The following UNC13B variants were observed in gnomAD, a reference collection of about 807,000 sequenced individuals.
The protein encoded by UNC13B is unc-13 homolog B, also known as protein unc-13 homolog B.
In UNC13B, 144 loss-of-function variants were observed where a neutral mutation model predicts 211.0. That is an observed-to-expected ratio of 0.68 (90% CI 0.60 to 0.78). The LOEUF (loss-of-function observed/expected upper bound fraction) is 0.78. Ranked by LOEUF, UNC13B falls within the 30% of genes least tolerant of loss-of-function variation. The pLI, the probability that UNC13B is intolerant of heterozygous loss-of-function variation, is 0.00. For missense variants in UNC13B, 1,777 were observed against 2,002.0 expected (o/e 0.89, Z 2.14); for synonymous variants, 709 against 725.8 (o/e 0.98, Z 0.37).
intron 1 of UNC13B, among the ~76,000 whole-genome samples, chr9:35,169,114 G>A (rs1277156251): frequency 6.6e-6 from 1 of 152,208 alleles, no homozygotes; most frequent in Non-Finnish European, 1.5e-5. Context: ...ACTTTGGGAG[G>A]CTGAGGCAAG....
intron 9 of UNC13B, 120 bp downstream of exon 9, chr9:35,308,532 C>G: frequency 2.5e-6 from 1 of 396,616 alleles, no homozygotes. Flanking sequence ...TTTCCTAGTA[C>G]CCGAGCTTCA....
At position 35,364,862 on chromosome 9, in the gene UNC13B, T is replaced by C. The variant is rs187017912; in HGVS notation, c.9415-2085T>C. Among the ~76,000 whole-genome samples, 59 of 152,258 alleles carry C rather than the reference T, an allele frequency of 3.9e-4. 1 individual carries two copies. The highest frequency in any genetic ancestry group is 3.2e-3 in the Admixed American group (49 of 15,298). On this transcript the variant is annotated intron_variant, in intron 11 of 39. Transcript: ENST00000635942. ...TGTGTGTGCTTATACTCAGTTTGACTCCCCCAGACACTGATTACCCTCCTT... is the reference window on the plus strand; with the variant it reads ...TGTGTGTGCTTATACTCAGTTTGACCCCCCCAGACACTGATTACCCTCCTT...
At chr9:35,183,206 G>A (rs576927598) in intron 1 of UNC13B, among the ~76,000 whole-genome samples, 1 of 149,188 alleles carries the variant, frequency 6.7e-6, no homozygotes, top group South Asian at 2.2e-4. Context: ...CAGACGATGG[G>A]CGGTCGGGCA....
chr9:35,205,528 T>G (rs2131395010), intron 1 of UNC13B, among the ~76,000 whole-genome samples: 1 of 152,342 alleles, frequency 6.6e-6, no homozygotes, highest in South Asian at 2.1e-4. Flanking sequence ...CCATTAGCAA[T>G]CATTTCCATT....
At chr9:35,350,169 A>G (rs1353361132) in intron 11 of UNC13B, among the ~76,000 whole-genome samples, 1 of 152,118 alleles carries the variant, frequency 6.6e-6, no homozygotes, top group East Asian at 1.9e-4. Flanking sequence ...CACTCTCCAC[A>G]TTCTCAGTAA....
In UNC13B at chr9:35,307,698, T is replaced by C. The variant is rs1302247684; in HGVS notation, c.8294T>C (p.Ile2765Thr). Residue 2765 changes from isoleucine (I) to threonine (T), a missense_variant, in exon 9 of 40, where the codon ATC becomes ACC. Physicochemically the swap from Ile to Thr is moderately conservative, Grantham distance 89. Transcript: ENST00000635942. ...ETEQSRPRFEIPNVTTWPKLR... is the reference protein window; with the variant it reads ...ETEQSRPRFETPNVTTWPKLR... ...GAGCAGTCAAGACCACGTTTTGAGA[T>C]CCCAAATGTGACCACTTGGCCAAAG... The C allele has an allele frequency of 2.5e-6, 1 of 399,020 alleles. No homozygotes were observed. The highest frequency in any genetic ancestry group is 4.4e-6 in the Non-Finnish European group (1 of 226,074). 24.7% of individuals were successfully genotyped at this position (399,020 alleles called of 1,614,324 possible).
At chr9:35,194,087 C>T (rs1296489769) in intron 1 of UNC13B, among the ~76,000 whole-genome samples, 3 of 152,008 alleles carry the variant, frequency 2.0e-5, no homozygotes, top group Non-Finnish European at 4.4e-5. Flanking sequence ...AGACCAAGGG[C>T]AGGGAGAGAC....
intron 7 of UNC13B, among the ~76,000 whole-genome samples, chr9:35,279,694 T>G (rs1347688177): frequency 1.3e-5 from 2 of 152,230 alleles, no homozygotes; most frequent in Admixed American, 1.3e-4. Context: ...GTGCGATTGC[T>G]GGGCCAAAGC....
At position 35,399,283 on chromosome 9, in the gene UNC13B, C is replaced by T. The variant is rs377197435; in HGVS notation, c.12197C>T (p.Thr4066Met). 5.3e-5 allele frequency: 85 copies of T among 1,614,142 alleles called. No homozygotes were observed. Among genetic ancestry groups the T allele is most frequent in the Admixed American group, 2.5e-4 (15 of 60,020 alleles). The part of the protein sequence containing the change: ...MIVLPPLTDQ[T>M]GTQLIFTAAK... ...GTTCTGCCCCCACTCACTGACCAGA[C>T]GGTAAGGACACCTCCTTCCACTTCC... The change falls in exon 34 of 40, where the codon ACG (threonine) becomes ATG (methionine). Residue 4066 changes from threonine to methionine, a missense_variant and splice_region_variant. Physicochemically the swap from Thr to Met is moderately conservative, Grantham distance 81. Coordinates refer to ENST00000635942, the MANE Select transcript of UNC13B (RefSeq NM_001371189.2).
In UNC13B at chr9:35,377,677, G is replaced by A; in HGVS notation, c.10045G>A (p.Ala3349Thr). The change falls in exon 16 of 40, where the codon GCC (alanine) becomes ACC (threonine). Residue 3349 changes from alanine to threonine, a missense_variant. Transcript: ENST00000635942. ...SVLDGTSKWS[A>T]KITITVVCAQ... ...ACTGGATGGCACCTCCAAATGGTCA[G>A]CCAAGATCACCATTACTGGTGAGCA... The A allele has an allele frequency of 1.9e-6, 3 of 1,614,022 alleles. No individual in the cohort carries two copies. The highest frequency in any genetic ancestry group is 2.5e-6 in the Non-Finnish European group (3 of 1,180,000).
rs1358816387 is a variant in UNC13B, at chr9:35,301,073, T to C, written c.1669T>C (p.Ser557Pro). ...TTCAGGCACAAAGCATCTAACAAAC[T>C]CTGTGGAAAAGTTGGTTTCCTTAGT... ...VGSGTKHLTN[S>P]VEKLVSLVPE... The change falls in exon 9 of 40, where the codon TCT becomes CCT. Residue 557 changes from serine to proline, a missense_variant. Ser to Pro is a moderately conservative substitution (Grantham distance 74). Coordinates refer to ENST00000635942, the MANE Select transcript of UNC13B (RefSeq NM_001371189.2). 6 of 398,738 alleles carry C rather than the reference T, an allele frequency of 1.5e-5. No homozygotes were observed. Among genetic ancestry groups the C allele is most frequent in the African/African-American group, 6.2e-5 (3 of 48,602 alleles). 24.7% of individuals were successfully genotyped at this position (398,738 alleles called of 1,614,324 possible).
intron 11 of UNC13B, chr9:35,361,134 A>T (rs1833385978): frequency 6.6e-6 from 1 of 152,166 alleles, no homozygotes. Context: ...AGATTGTATT[A>T]TTGGGTATAC....
intron 1 of UNC13B, among the ~76,000 whole-genome samples, chr9:35,205,320 C>G (rs1024958840): frequency 1.3e-5 from 2 of 152,108 alleles, no homozygotes; most frequent in Admixed American, 1.3e-4. Context: ...TACACACACA[C>G]AAACACACAC....
rs375819769 is a variant in UNC13B, at chr9:35,294,118, G to T, written c.527-1578G>T. 7.2e-4 allele frequency among the ~76,000 whole-genome samples: 109 copies of T among 152,104 alleles called. 1 individual carries two copies. In the South Asian group the frequency reaches 0.018, roughly 25 times the overall value. On this transcript the variant is annotated intron_variant, in intron 7 of 39. Coordinates refer to ENST00000635942, the MANE Select transcript of UNC13B (RefSeq NM_001371189.2). ...CAACTTGTCTAATGAAGCCAAGGGG[G>T]GTCATTTCCCTATTATCTTCAATAT...
At chr9:35,272,842 A>C (rs1827969668) in intron 7 of UNC13B, among the ~76,000 whole-genome samples, 1 of 152,214 alleles carries the variant, frequency 6.6e-6, no homozygotes, top group Non-Finnish European at 1.5e-5. Context: ...TATTAATGAT[A>C]TCCCTAAAGC....
At chr9:35,353,644 G>A in intron 11 of UNC13B, 1 of 1,232,126 alleles carries the variant, frequency 8.1e-7, no homozygotes, top group Non-Finnish European at 1.0e-6. Context: ...GATCTCCCAA[G>A]CAGGGCAGAC....
intron 12 of UNC13B, 106 bp from the exon 13 acceptor site, chr9:35,370,212 T>C: frequency 1.1e-6 from 1 of 893,376 alleles, no homozygotes; most frequent in Non-Finnish European, 1.8e-6. Context: ...TAGAGGTCAG[T>C]TCATCTTCCT....
At position 35,243,800 on chromosome 9, in the gene UNC13B, G is replaced by C. The variant is rs576455627; in HGVS notation, c.468+436G>C. On this transcript the variant is annotated intron_variant, in intron 6 of 39. Transcript: ENST00000635942. ...CCAGAGATGAGGCTGGTGTGTATAA[G>C]AGAATGCATTCAGCTCAACCTGGGG... is the stretch of plus-strand genomic sequence containing the variant. 8.5e-5 allele frequency among the ~76,000 whole-genome samples: 13 copies of C among 152,228 alleles called. 1 individual carries two copies. In the South Asian group the frequency reaches 2.7e-3, roughly 32 times the overall value.
chr9:35,343,200 A>G (rs932220671), intron 11 of UNC13B, among the ~76,000 whole-genome samples: 24 of 152,260 alleles, frequency 1.6e-4, no homozygotes, highest in African/African-American at 5.5e-4. Context: ...TGAAATCAGT[A>G]TAATCAGAAC....
Sources: allele counts gnomAD v4.1 joint callset (sites outside exome capture counted in the v4.1 genomes callset), GRCh38; gene constraint gnomAD v4.1.1; transcripts MANE v1.5; gene names NCBI Gene and HGNC (gene_info 2026-07-23, HGNC 2026-07-21).